The following CASK variants were observed in gnomAD, a reference collection of about 807,000 sequenced individuals.
CASK encodes the protein peripheral plasma membrane protein CASK.
CASK carries 4 observed loss-of-function variants against 82.9 expected under a neutral mutation model. The ratio of observed to expected loss-of-function variants is 0.05; its 90% CI spans 0.02 to 0.11. The LOEUF is 0.11. Ranked by LOEUF, CASK falls within the 10% of genes least tolerant of loss-of-function variation. The probability of loss-of-function intolerance (pLI) is 1.00; values close to 1 mark genes in which losing one functional copy is unlikely to be tolerated. For missense variants in CASK, 358 were observed against 720.9 expected, an observed-to-expected ratio of 0.50 and a Z score of 5.76; for synonymous variants, 259 against 253.5, an observed-to-expected ratio of 1.02 and a Z score of -0.20.
Position 41,573,222 on chromosome X carries a change from T to G in CASK, c.1504-3476A>C, listed in dbSNP as rs866228087. Among the ~76,000 whole-genome samples the G allele has an allele frequency of 3.0e-4, 32 of 106,287 alleles. 1 individual carries two copies. The highest frequency in any genetic ancestry group is 2.8e-3 in the Admixed American group (27 of 9,732). 92.3% of individuals were successfully genotyped at this position (106,287 alleles called of 115,157 possible). ...CTCCCAATTTCTTTCTTTTTTTTTTTGTTTTTTTTTGGTCTGTTTCTCAGA... is the reference window on the plus strand; with the variant it reads ...CTCCCAATTTCTTTCTTTTTTTTTTGGTTTTTTTTTGGTCTGTTTCTCAGA... On this transcript the variant is annotated intron_variant, in intron 15 of 26. Coordinates refer to ENST00000378163, the MANE Select transcript of CASK (RefSeq NM_001367721.1).
chrX:41,841,546 C>T (rs1352048014), intron 2 of CASK, among the ~76,000 whole-genome samples: 4 of 99,078 alleles, frequency 4.0e-5, no homozygotes, highest in Non-Finnish European at 8.1e-5. Context: ...GGGACAGTCT[C>T]GCTCTGTCAC....
At chrX:41,713,096 T>C (rs2068005684) in intron 5 of CASK, among the ~76,000 whole-genome samples, 1 of 112,190 alleles carries the variant, frequency 8.9e-6, no homozygotes, top group Non-Finnish European at 1.9e-5. Context: ...TTTCCCTGTA[T>C]TGATAAATCA....
In CASK at chrX:41,568,764, G is replaced by A. The variant is rs2065360835; in HGVS notation, c.1582+904C>T. On this transcript the variant is annotated intron_variant, in intron 16 of 26. Transcript: ENST00000378163. Reference sequence around the variant, plus strand: ...GCCTATAATCCCAGCACTTTGGGAGGAGGCAGGCAGATTGCTTGGGTTCAA... The same window carrying A: ...GCCTATAATCCCAGCACTTTGGGAGAAGGCAGGCAGATTGCTTGGGTTCAA... 2.7e-5 allele frequency among the ~76,000 whole-genome samples: 3 copies of A among 111,743 alleles called. No homozygotes were observed. In the South Asian group the frequency reaches 1.1e-3, roughly 42 times the overall value.
intron 3 of CASK, among the ~76,000 whole-genome samples, chrX:41,749,006 C>T (rs993742853): frequency 1.3e-4 from 15 of 111,575 alleles, no homozygotes; most frequent in East Asian, 2.8e-4. Flanking sequence ...ACTGTAGGGC[C>T]GGACACAGTG....
At chrX:41,644,091 T>C (rs1182858322) in intron 8 of CASK, among the ~76,000 whole-genome samples, 2 of 112,087 alleles carry the variant, frequency 1.8e-5, no homozygotes, top group African/African-American at 6.5e-5. Flanking sequence ...GATTTGCATA[T>C]GTTGAACCAG....
intron 4 of CASK, among the ~76,000 whole-genome samples, chrX:41,745,132 G>A (rs1254611595): frequency 9.0e-6 from 1 of 111,543 alleles, no homozygotes; most frequent in Non-Finnish European, 1.9e-5. Context: ...ATTCTCCTGC[G>A]TCAGCCTTCC....
intron 22 of CASK, among the ~76,000 whole-genome samples, chrX:41,541,275 G>A (rs763451854): frequency 1.8e-5 from 2 of 111,729 alleles, no homozygotes; most frequent in South Asian, 7.5e-4. Flanking sequence ...TGCCCAGGCT[G>A]GCCTCGAACT....
intron 7 of CASK, among the ~76,000 whole-genome samples, chrX:41,661,431 G>A (rs1171121886): frequency 1.8e-5 from 2 of 111,273 alleles, no homozygotes; most frequent in Non-Finnish European, 3.8e-5. Flanking sequence ...GGACCTTCAA[G>A]CAAAGCCATG....
chrX:41,695,164 CA>C (rs1477487451), intron 5 of CASK, among the ~76,000 whole-genome samples: 1 of 111,296 alleles, frequency 9.0e-6, no homozygotes, highest in Admixed American at 9.5e-5. Flanking sequence ...AGGCCATGGC[CA>C]CAGGAAAGGT....
At chrX:41,520,690 T>A in intron 26 of CASK, 94 bp from the exon 27 acceptor site, 1 of 797,691 alleles carries the variant, frequency 1.3e-6, no homozygotes, top group Non-Finnish European at 1.9e-6. Context: ...TCTTTTCACA[T>A]TTTTGTTCAT....
chrX:41,560,554 G>A (rs984619269), intron 17 of CASK, among the ~76,000 whole-genome samples: 4 of 106,280 alleles, frequency 3.8e-5, no homozygotes, highest in Non-Finnish European at 5.8e-5. Context: ...ATGAGCCACC[G>A]CACCCAGCCA....
At chrX:41,758,807 G>A (rs185170715) in intron 3 of CASK, among the ~76,000 whole-genome samples, 74 of 112,361 alleles carry the variant, frequency 6.6e-4, no homozygotes, top group Middle Eastern at 4.6e-3. Flanking sequence ...TTTCAATGGA[G>A]AAAGGGAATA....
Position 41,531,027 on chromosome X carries a change from T to C in CASK, c.2500A>G (p.Ile834Val). The change falls in exon 25 of 27, where the codon ATA (isoleucine) becomes GTA (valine). Residue 834 changes from isoleucine (I) to valine (V), a missense_variant. By Grantham distance (29) the Ile-to-Val change is conservative. Transcript: ENST00000378163. ...RKIHEQGLIAILDVEPQALKV... is the reference protein window; with the variant it reads ...RKIHEQGLIAVLDVEPQALKV... ...ATTACCTGAGGCTCCACGTCCAGTATTGCAATCAGCCCCTGCTCGTGGATC... is the reference window on the plus strand; with the variant it reads ...ATTACCTGAGGCTCCACGTCCAGTACTGCAATCAGCCCCTGCTCGTGGATC... 4 of 1,210,884 alleles carry C rather than the reference T, an allele frequency of 3.3e-6. No individual in the cohort carries two copies. Among genetic ancestry groups the C allele is most frequent in the South Asian group, 3.5e-5 (2 of 56,960 alleles).
intron 5 of CASK, among the ~76,000 whole-genome samples, chrX:41,682,645 C>T (rs2067379503): frequency 9.8e-6 from 1 of 101,592 alleles, no homozygotes; most frequent in African/African-American, 3.6e-5. Context: ...GGGTCTCACT[C>T]TGTCACCCAG....
chrX:41,776,302 A>T (rs1290673181), intron 3 of CASK, among the ~76,000 whole-genome samples: 4 of 112,440 alleles, frequency 3.6e-5, no homozygotes, highest in Non-Finnish European at 7.5e-5. Flanking sequence ...TTATGAGAGC[A>T]CCCATGTATA....
intron 1 of CASK, among the ~76,000 whole-genome samples, chrX:41,894,895 C>T (rs2072246199): frequency 8.9e-6 from 1 of 112,210 alleles, no homozygotes; most frequent in Non-Finnish European, 1.9e-5. Flanking sequence ...AGTGGAATTT[C>T]TAATGGTATA....
chrX:41,700,126 T>C (rs1031806855), intron 5 of CASK, among the ~76,000 whole-genome samples: 1 of 112,067 alleles, frequency 8.9e-6, no homozygotes, highest in Non-Finnish European at 1.9e-5. Flanking sequence ...GTGTTGAATA[T>C]TGCTGTTAGT....
chrX:41,804,032 A>G (rs1200199410), intron 2 of CASK, among the ~76,000 whole-genome samples: 1 of 111,677 alleles, frequency 9.0e-6, no homozygotes, highest in Non-Finnish European at 1.9e-5. Flanking sequence ...AACTTTCTAT[A>G]TGGTCCACTA....
intron 8 of CASK, among the ~76,000 whole-genome samples, chrX:41,637,688 G>A (rs1366702635): frequency 9.1e-6 from 1 of 109,784 alleles, no homozygotes; most frequent in Non-Finnish European, 1.9e-5. Flanking sequence ...CTGTCGCCCA[G>A]GCTGGAGTGC....
Sources: gnomAD v4.1 joint callset for allele counts (sites outside exome capture counted in the v4.1 genomes callset) on GRCh38, gnomAD v4.1.1 for gene constraint, MANE v1.5 for transcripts, NCBI Gene and HGNC (gene_info 2026-07-23, HGNC 2026-07-21) for gene names.